LEKR1: variants seen among roughly 807,000 people sequenced by gnomAD.
LEKR1 encodes the protein protein LEKR1.
In LEKR1, 59 loss-of-function variants were observed where a neutral mutation model predicts 72.4. That is an observed-to-expected ratio of 0.82 (90% CI 0.66 to 1.01). LEKR1 has a LOEUF of 1.01. Among genes scored for constraint, LEKR1 ranks in the 50% least tolerant of loss-of-function variants. The pLI is 0.00. For synonymous variants in LEKR1, 257 were observed against 263.2 expected, an observed-to-expected ratio of 0.98 and a Z score of 0.23; for missense variants, 728 against 759.2, an observed-to-expected ratio of 0.96 and a Z score of 0.48.
intron 5 of LEKR1, among the ~76,000 whole-genome samples, chr3:156,937,241 A>G (rs902005508): frequency 1.4e-4 from 21 of 152,188 alleles, no homozygotes; most frequent in African/African-American, 5.1e-4. Context: ...ATAAAAAGCT[A>G]CAGTACAGAC....
At chr3:156,851,318 G>C (rs1715329061) in intron 2 of LEKR1, 1 of 152,194 alleles carries the variant, frequency 6.6e-6, no homozygotes, top group East Asian at 1.9e-4. Context: ...AAGAGGACTG[G>C]AACTGGTGCA....
At chr3:156,895,612 A>G (rs1721102079) in intron 3 of LEKR1, among the ~76,000 whole-genome samples, 1 of 151,654 alleles carries the variant, frequency 6.6e-6, no homozygotes, top group Non-Finnish European at 1.5e-5. Flanking sequence ...CCTTGTCTCA[A>G]AAAAAAAACA....
intron 3 of LEKR1, among the ~76,000 whole-genome samples, chr3:156,896,689 G>C (rs1721219180): frequency 6.6e-6 from 1 of 152,124 alleles, no homozygotes; most frequent in Non-Finnish European, 1.5e-5. Context: ...CAGCAATGCT[G>C]TTATATATAC....
chr3:156,937,383 G>A (rs566033080), intron 5 of LEKR1, among the ~76,000 whole-genome samples: 9 of 152,144 alleles, frequency 5.9e-5, no homozygotes, highest in South Asian at 2.1e-4. Flanking sequence ...AAATTTAACC[G>A]AAGATGATAT....
At chr3:157,006,087 G>C (rs1039269403) in intron 9 of LEKR1, among the ~76,000 whole-genome samples, 1 of 151,210 alleles carries the variant, frequency 6.6e-6, no homozygotes, top group African/African-American at 2.4e-5. Flanking sequence ...CTTACTGCAA[G>C]CTCCGCTTCC....
At chr3:157,027,347 C>T (rs999362730) in intron 11 of LEKR1, among the ~76,000 whole-genome samples, 1 of 151,888 alleles carries the variant, frequency 6.6e-6, no homozygotes. Context: ...TGGAGTTCCT[C>T]CAGCCATTAT....
chr3:156,957,908 C>T (rs924237620), intron 6 of LEKR1, among the ~76,000 whole-genome samples: 8 of 152,026 alleles, frequency 5.3e-5, no homozygotes, highest in Non-Finnish European at 5.9e-5. Context: ...CCATGCCTGA[C>T]CCCACATAAT....
intron 3 of LEKR1, among the ~76,000 whole-genome samples, chr3:156,858,439 G>A (rs1381106309): frequency 1.3e-5 from 2 of 151,998 alleles, no homozygotes; most frequent in South Asian, 2.1e-4. Context: ...TTGGGAGGCC[G>A]AGACAGGCAG....
At chr3:156,831,857 GGAGGTT>G (rs1269971804) in intron 2 of LEKR1, among the ~76,000 whole-genome samples, 3 of 152,162 alleles carry the variant, frequency 2.0e-5, no homozygotes, top group Admixed American at 2.0e-4. Flanking sequence ...AGGGCAGTTT[GGAGGTT>G]AAAGGCAAGA....
intron 6 of LEKR1, among the ~76,000 whole-genome samples, chr3:156,978,213 AT>A (rs1231353872): frequency 6.6e-6 from 1 of 150,468 alleles, no homozygotes; most frequent in African/African-American, 2.5e-5. Context: ...TTTAGAGTGA[AT>A]TTATTTTCTA....
At chr3:156,918,997 C>T (rs1305716317) in intron 3 of LEKR1, among the ~76,000 whole-genome samples, 1 of 152,144 alleles carries the variant, frequency 6.6e-6, no homozygotes, top group Non-Finnish European at 1.5e-5. Context: ...AATCCCCTCC[C>T]TTGTGAGTGA....
At position 157,003,794 on chromosome 3, in the gene LEKR1, CTA is replaced by C. The variant is rs367756744; in HGVS notation, c.1110-7617_1110-7616del. Among the ~76,000 whole-genome samples the C allele has an allele frequency of 1.6e-4, 24 of 152,220 alleles. No individual in the cohort carries two copies. The South Asian group carries it at 3.9e-3, about 25-fold the overall frequency. On this transcript the variant is annotated intron_variant, in intron 9 of 12. Coordinates refer to ENST00000356539, the MANE Select transcript of LEKR1 (RefSeq NM_001004316.3). ...TCAAACTGTGATAAGCTAAAAATGT[CTA>C]TTATCAACCCTGTAGCAACCACTAA...
At chr3:157,011,209 T>A (rs188071698) in intron 9 of LEKR1, among the ~76,000 whole-genome samples, 2 of 152,094 alleles carry the variant, frequency 1.3e-5, no homozygotes, top group Non-Finnish European at 2.9e-5. Context: ...AAATTAAGCC[T>A]GGGAAAAATA....
At chr3:157,018,986 A>G (rs940856017) in intron 10 of LEKR1, among the ~76,000 whole-genome samples, 39 of 152,212 alleles carry the variant, frequency 2.6e-4, no homozygotes, top group African/African-American at 9.4e-4. Context: ...TTCTGTTTTG[A>G]ATAATCATCT....
chr3:156,915,971 C>T (rs1309390436), intron 3 of LEKR1, among the ~76,000 whole-genome samples: 1 of 152,132 alleles, frequency 6.6e-6, no homozygotes, highest in African/African-American at 2.4e-5. Context: ...TTTCAATCTT[C>T]TGCATATGGC....
intron 10 of LEKR1, among the ~76,000 whole-genome samples, chr3:157,022,320 T>C (rs1367880344): frequency 3.3e-5 from 5 of 152,162 alleles, no homozygotes; most frequent in Non-Finnish European, 7.4e-5. Context: ...ATCTAATTTA[T>C]AGTTTGTAAA....
At chr3:156,849,077 A>C (rs1049233666) in intron 2 of LEKR1, among the ~76,000 whole-genome samples, 2 of 152,132 alleles carry the variant, frequency 1.3e-5, no homozygotes, top group African/African-American at 4.8e-5. Flanking sequence ...TACAAAATCA[A>C]TGTGCAAAAA....
intron 3 of LEKR1, among the ~76,000 whole-genome samples, chr3:156,874,236 A>G (rs905546562): frequency 6.6e-6 from 1 of 152,072 alleles, no homozygotes; most frequent in Admixed American, 6.6e-5. Context: ...TCTCTTTGGT[A>G]AAATTGTAAT....
At chr3:156,893,317 G>A (rs917709643) in intron 3 of LEKR1, among the ~76,000 whole-genome samples, 5 of 152,162 alleles carry the variant, frequency 3.3e-5, no homozygotes, top group Admixed American at 2.6e-4. Context: ...GTGATGTGAC[G>A]GAACACTGTT....
Sources: gnomAD v4.1 joint callset for allele counts (sites outside exome capture counted in the v4.1 genomes callset) on GRCh38, gnomAD v4.1.1 for gene constraint, MANE v1.5 for transcripts, NCBI Gene and HGNC (gene_info 2026-07-23, HGNC 2026-07-21) for gene names.